The following SMARCAD1 variants were observed in gnomAD, a reference collection of about 807,000 sequenced individuals.
SMARCAD1 encodes SWI/SNF-related matrix-associated actin-dependent regulator of chromatin subfamily A containing DEAD/H box 1.
Under a neutral mutation model 127.1 loss-of-function variants are expected in SMARCAD1, and 25 were observed. The observed-to-expected ratio is 0.20, with a 90% CI of 0.14 to 0.27. SMARCAD1 has a LOEUF of 0.27. Ranked by LOEUF, SMARCAD1 falls within the 10% of genes least tolerant of loss-of-function variation. SMARCAD1 has a pLI of 1.00. For synonymous variants in SMARCAD1, 400 were observed against 396.9 expected (o/e 1.01, Z -0.09); for missense variants, 807 against 1,206.0 (o/e 0.67, Z 4.90).
intron 8 of SMARCAD1, 37 bp downstream of exon 8, chr4:94,250,870 A>C: frequency 3.4e-6 from 5 of 1,457,494 alleles, no homozygotes; most frequent in South Asian, 1.1e-5. Flanking sequence ...CATACTTCTC[A>C]TTATAGTCTG....
intron 6 of SMARCAD1, 111 bp downstream of exon 6, chr4:94,241,117 TCAC>T (rs1747514648): frequency 1.3e-6 from 1 of 749,866 alleles, no homozygotes; most frequent in Non-Finnish European, 2.3e-6. Context: ...TTCCTTTCTA[TCAC>T]AACTAAGGGA....
chr4:94,216,531 A>G (rs1174210128), intron 2 of SMARCAD1, among the ~76,000 whole-genome samples: 1 of 152,184 alleles, frequency 6.6e-6, no homozygotes, highest in Non-Finnish European at 1.5e-5. Flanking sequence ...TCAGTTCAAT[A>G]CATATACATT....
At chr4:94,265,470 A>G (rs992774348) in intron 10 of SMARCAD1, among the ~76,000 whole-genome samples, 72 of 151,844 alleles carry the variant, frequency 4.7e-4, no homozygotes, top group African/African-American at 1.7e-3. Context: ...TATTTCCCCA[A>G]TTTGCTACTT....
intron 2 of SMARCAD1, among the ~76,000 whole-genome samples, chr4:94,214,772 A>T (rs1742893154): frequency 6.6e-6 from 1 of 152,166 alleles, no homozygotes; most frequent in South Asian, 2.1e-4. Context: ...CATTGGCGGA[A>T]TGGAGGAAAG....
intron 9 of SMARCAD1, among the ~76,000 whole-genome samples, chr4:94,255,348 AT>A (rs767885159): frequency 9.5e-4 from 144 of 152,180 alleles, no homozygotes; most frequent in Admixed American, 1.8e-3. Flanking sequence ...TAAAGTACAT[AT>A]ATACAATAGT....
chr4:94,221,723 C>A (rs1231335713), intron 2 of SMARCAD1, among the ~76,000 whole-genome samples: 2 of 152,028 alleles, frequency 1.3e-5, no homozygotes, highest in Admixed American at 1.3e-4. Flanking sequence ...CTTCCAACTC[C>A]CGTTTAGCTC....
intron 3 of SMARCAD1, among the ~76,000 whole-genome samples, chr4:94,231,637 A>G (rs543148221): frequency 6.6e-6 from 1 of 152,186 alleles, no homozygotes; most frequent in East Asian, 1.9e-4. Flanking sequence ...TCCCCTTAAT[A>G]CTGGTTATGT....
intron 11 of SMARCAD1, among the ~76,000 whole-genome samples, chr4:94,271,789 A>T (rs1752571253): frequency 6.6e-6 from 1 of 152,174 alleles, no homozygotes; most frequent in Admixed American, 6.5e-5. Flanking sequence ...GAGCTATCTG[A>T]TCCTTTCCAG....
chr4:94,251,916 G>GGGA (rs1749336642), intron 8 of SMARCAD1, among the ~76,000 whole-genome samples: 1 of 151,932 alleles, frequency 6.6e-6, no homozygotes, highest in African/African-American at 2.4e-5. Flanking sequence ...CAGTGGCACA[G>GGGA]TCTCGGCTAA....
rs988617431 is a variant in SMARCAD1 at position 94,241,017 on chromosome 4, A to G, written c.705+11A>G. The stretch of plus-strand genomic sequence containing the variant: ...ACAAGACTGGATCATGTAAGTTTAC[A>G]TTTGAATTACAGTATCAAAATTGGC... On this transcript the variant is annotated intron_variant, in intron 6 of 23. Transcript: ENST00000354268. 3.8e-6 allele frequency: 6 copies of G among 1,584,300 alleles called. No individual in the cohort carries two copies. Among genetic ancestry groups the G allele is most frequent in the Non-Finnish European group, 5.2e-6 (6 of 1,154,368 alleles).
In SMARCAD1 at chr4:94,208,454, G is replaced by A. The variant is rs769231297; in HGVS notation, c.60G>A (p.Ala20=). The part of the protein sequence containing the change: ...RFEKRNKIEE[A]PEATPQPSQP... The stretch of plus-strand genomic sequence containing the variant: ...AGAAAAGGAATAAGATTGAGGAAGC[G>A]CCCGAAGCAACCCCTCAACCTTCCC... Residue 20 remains alanine, a synonymous_variant, in exon 2 of 24, where the codon GCG becomes GCA. Coordinates refer to ENST00000354268, the MANE Select transcript of SMARCAD1 (RefSeq NM_020159.5). 4.3e-6 allele frequency: 7 copies of A among 1,613,904 alleles called. No individual in the cohort carries two copies. In the Admixed American group the frequency reaches 6.7e-5, roughly 15 times the overall value.
intron 4 of SMARCAD1, among the ~76,000 whole-genome samples, chr4:94,236,750 T>C (rs775211590): frequency 4.6e-5 from 7 of 152,210 alleles, no homozygotes; most frequent in African/African-American, 9.6e-5. Flanking sequence ...ACCTGATACA[T>C]TTTAAAATAT....
At chr4:94,272,051 G>A (rs1445660481) in intron 11 of SMARCAD1, among the ~76,000 whole-genome samples, 1 of 152,128 alleles carries the variant, frequency 6.6e-6, no homozygotes, top group Non-Finnish European at 1.5e-5. Context: ...GAGTGTATCG[G>A]TAGCTTGCGT....
At chr4:94,217,879 A>G (rs1024427219) in intron 2 of SMARCAD1, among the ~76,000 whole-genome samples, 4 of 152,228 alleles carry the variant, frequency 2.6e-5, no homozygotes, top group Non-Finnish European at 5.9e-5. Flanking sequence ...ATCAAAGTGT[A>G]TTGCTTATAG....
rs778860868 is a variant in SMARCAD1, at chr4:94,284,953, T to A, written c.2910-7T>A. 1 of 1,530,882 alleles carries A rather than the reference T, an allele frequency of 6.5e-7. No homozygotes were observed. The highest frequency in any genetic ancestry group is 1.1e-5 in the South Asian group (1 of 89,248). 94.8% of individuals were successfully genotyped at this position (1,530,882 alleles called of 1,614,324 possible). On this transcript the variant is annotated splice_polypyrimidine_tract_variant and splice_region_variant and intron_variant, in intron 22 of 23. Coordinates refer to ENST00000354268, the MANE Select transcript of SMARCAD1 (RefSeq NM_020159.5). ...AACCAATGGACATATTTTGTATTTT[T>A]TTTTAGAGAAGTACTAGTTATAAAA...
intron 12 of SMARCAD1, among the ~76,000 whole-genome samples, chr4:94,274,390 A>G (rs556270584): frequency 6.6e-6 from 1 of 152,200 alleles, no homozygotes; most frequent in East Asian, 1.9e-4. Flanking sequence ...TGGTGGCTCA[A>G]TCTTGGCTCA....
Position 94,289,829 on chromosome 4 carries a change from A to G in SMARCAD1, c.*295A>G. The G allele has an allele frequency of 3.9e-6, 2 of 511,138 alleles. No homozygotes were observed. The highest frequency in any genetic ancestry group is 7.6e-6 in the Non-Finnish European group (2 of 264,708). The allele number at this position is 511,138 out of a possible 1,614,324, so 31.7% of individuals were successfully genotyped here. A position where few individuals can be genotyped will look rare whatever the true frequency, so the allele number is the denominator to read the frequency against. On this transcript the variant is annotated 3_prime_UTR_variant, in exon 24 of 24. Coordinates refer to ENST00000354268, the MANE Select transcript of SMARCAD1 (RefSeq NM_020159.5). The stretch of plus-strand genomic sequence containing the variant: ...GTGATTGTTTGTAACAAATATGCTA[A>G]TGCTTTAGAAATGTCAGTATTTTTG...
chr4:94,264,171 A>G (rs1048906197), intron 9 of SMARCAD1, among the ~76,000 whole-genome samples: 2 of 151,918 alleles, frequency 1.3e-5, no homozygotes, highest in Non-Finnish European at 2.9e-5. Flanking sequence ...CAAGTGACAA[A>G]TAATTAGAGT....
chr4:94,262,361 C>A (rs1440206585), intron 9 of SMARCAD1, among the ~76,000 whole-genome samples: 1 of 152,124 alleles, frequency 6.6e-6, no homozygotes, highest in Non-Finnish European at 1.5e-5. Flanking sequence ...CATTCATCTC[C>A]CCACACTTAA....
Sources: gnomAD v4.1 joint callset for allele counts (sites outside exome capture counted in the v4.1 genomes callset) on GRCh38, gnomAD v4.1.1 for gene constraint, MANE v1.5 for transcripts, NCBI Gene and HGNC (gene_info 2026-07-23, HGNC 2026-07-21) for gene names.